MAP3K20: variants seen among roughly 807,000 people sequenced by gnomAD.
MAP3K20 encodes the protein HCCS-4.
Under a neutral mutation model 85.7 loss-of-function variants are expected in MAP3K20, and 40 were observed. The ratio of observed to expected loss-of-function variants is 0.47; its 90% CI spans 0.36 to 0.61. The LOEUF (loss-of-function observed/expected upper bound fraction) is 0.61. Ranked by LOEUF, MAP3K20 falls within the 20% of genes least tolerant of loss-of-function variation. The probability of loss-of-function intolerance (pLI) is 0.00; values close to 1 mark genes in which losing one functional copy is unlikely to be tolerated. For missense variants in MAP3K20, 817 were observed against 961.7 expected (o/e 0.85, Z 1.99); for synonymous variants, 325 against 327.7 (o/e 0.99, Z 0.09).
chr2:173,098,636 C>T (rs1328770003), intron 2 of MAP3K20, among the ~76,000 whole-genome samples: 2 of 152,138 alleles, frequency 1.3e-5, no homozygotes, highest in Admixed American at 6.5e-5. Flanking sequence ...ATACTCAACC[C>T]GTACTTTCAA....
chr2:173,204,008 T>C, intron 9 of MAP3K20, 138 bp downstream of exon 9: 1 of 744,128 alleles, frequency 1.3e-6, no homozygotes, highest in Non-Finnish European at 2.2e-6. Context: ...AGATTGACTG[T>C]TAAGGTTTTC....
At position 173,258,811 on chromosome 2, in the gene MAP3K20, C is replaced by T. The variant is rs1254880209; in HGVS notation, c.1472C>T (p.Thr491Ile). The T allele has an allele frequency of 6.3e-7, 1 of 1,586,606 alleles. No homozygotes were observed. The highest frequency in any genetic ancestry group is 8.6e-7 in the Non-Finnish European group (1 of 1,156,444). Reference sequence around the variant, plus strand: ...CCTGATGCGGAGATTTTAAAGATGACAAAGGTAGGGTTCTATTTACGGCTT... The same window carrying T: ...CCTGATGCGGAGATTTTAAAGATGATAAAGGTAGGGTTCTATTTACGGCTT... ...NLPDAEILKM[T>I]KPPFVMEKWI... Residue 491 changes from threonine (T) to isoleucine (I), a missense_variant, in exon 17 of 20, where the codon ACA becomes ATA. Around this residue, in one of 4 missense-constraint regions of MAP3K20, gnomAD observed 454 missense variants for 476.9 expected, o/e 0.95. Transcript: ENST00000375213.
At chr2:173,203,655 C>T (rs13011539) in intron 8 of MAP3K20, 141 bp from the exon 9 acceptor site, 11,891 of 654,042 alleles carry the variant, frequency 0.018, 168 homozygotes, top group Non-Finnish European at 0.026. Flanking sequence ...TCACTTGTCA[C>T]ATATTAATCA....
Position 173,182,946 on chromosome 2 carries a change from G to A in MAP3K20, c.340G>A (p.Val114Ile). Residue 114 changes from valine to isoleucine, a missense_variant, in exon 4 of 20, where the codon GTA becomes ATA. Physicochemically the swap from Val to Ile is conservative, Grantham distance 29. Coordinates refer to ENST00000375213, the MANE Select transcript of MAP3K20 (RefSeq NM_016653.3). Reference protein sequence around the residue: ...MDHIMTWATDVAKGMHYLHME... With the variant: ...MDHIMTWATDIAKGMHYLHME... ...TCACATTATGACCTGGGCCACTGATGTAGCCAAAGGTAATAATATTTGGTA... is the reference window on the plus strand; with the variant it reads ...TCACATTATGACCTGGGCCACTGATATAGCCAAAGGTAATAATATTTGGTA... 6.2e-7 allele frequency: 1 copy of A among 1,605,146 alleles called. No homozygotes were observed. The highest frequency in any genetic ancestry group is 2.2e-5 in the East Asian group (1 of 44,546).
intron 3 of MAP3K20, among the ~76,000 whole-genome samples, chr2:173,179,144 A>G (rs550818900): frequency 6.6e-6 from 1 of 152,330 alleles, no homozygotes; most frequent in Admixed American, 6.5e-5. Context: ...CTGTAATCCC[A>G]GCACTTTGGG....
In MAP3K20 at chr2:173,198,084, TAGC is replaced by T; in HGVS notation, c.642_644del (p.Ala215del). 6.2e-7 allele frequency: 1 copy of T among 1,613,198 alleles called. No individual in the cohort carries two copies. Among genetic ancestry groups the T allele is most frequent in the Non-Finnish European group, 8.5e-7 (1 of 1,179,358 alleles). ...TTTAAAGGTTTGGAAGGATTACAAG[TAGC>T]TTGGCTTGTAGTGGAAAAAAACGAG... On this transcript the variant is annotated inframe_deletion, in exon 8 of 20. Transcript: ENST00000375213. This position sits in a 1 kb window ranked among gnomAD's most constrained non-coding sequence, Gnocchi z 5.8.
chr2:173,078,789 G>A (rs1309860358), intron 1 of MAP3K20, among the ~76,000 whole-genome samples: 2 of 152,050 alleles, frequency 1.3e-5, no homozygotes, highest in Middle Eastern at 6.8e-3. Context: ...GTTTAAATAG[G>A]GTAAACAAAA....
intron 2 of MAP3K20, among the ~76,000 whole-genome samples, chr2:173,161,545 A>G (rs1006616668): frequency 2.6e-5 from 4 of 152,166 alleles, no homozygotes; most frequent in Admixed American, 6.5e-5. Flanking sequence ...TGCTTCCTAT[A>G]TATAGGGTAT....
intron 3 of MAP3K20, among the ~76,000 whole-genome samples, chr2:173,170,441 A>G (rs982095367): frequency 6.6e-6 from 1 of 152,254 alleles, no homozygotes; most frequent in South Asian, 2.1e-4. Context: ...AGCAGCACAT[A>G]GAAAGTTTTG....
intron 2 of MAP3K20, among the ~76,000 whole-genome samples, chr2:173,122,991 G>C (rs79277848): frequency 6.6e-6 from 1 of 152,136 alleles, no homozygotes. Flanking sequence ...CCCTCACTTA[G>C]GTATTTTTCA....
chr2:173,241,815 G>C (rs765847414), intron 16 of MAP3K20, among the ~76,000 whole-genome samples: 1 of 152,128 alleles, frequency 6.6e-6, no homozygotes, highest in Non-Finnish European at 1.5e-5. Context: ...GGTTGAGTGA[G>C]AGCTGCTCTG....
At chr2:173,156,646 C>T (rs1472382231) in intron 2 of MAP3K20, among the ~76,000 whole-genome samples, 1 of 152,172 alleles carries the variant, frequency 6.6e-6, no homozygotes, top group African/African-American at 2.4e-5. Flanking sequence ...CTCTGAGAAT[C>T]TAATGCTGCC....
intron 14 of MAP3K20, among the ~76,000 whole-genome samples, chr2:173,237,521 T>G (rs1479642031): frequency 1.3e-5 from 2 of 152,194 alleles, no homozygotes; most frequent in African/African-American, 4.8e-5. Context: ...TCTAATTTTC[T>G]CAGGTTGGTA....
intron 10 of MAP3K20, among the ~76,000 whole-genome samples, chr2:173,215,179 C>G (rs112558661): frequency 3.3e-5 from 5 of 152,200 alleles, no homozygotes; most frequent in African/African-American, 1.2e-4. Flanking sequence ...GAACATCAGT[C>G]AATCTGTCTC....
intron 2 of MAP3K20, among the ~76,000 whole-genome samples, chr2:173,117,348 G>A (rs529123652): frequency 3.9e-5 from 6 of 152,078 alleles, no homozygotes; most frequent in African/African-American, 1.2e-4. Context: ...GCACAATCAC[G>A]GCTCAATGTA....
chr2:173,241,768 GA>G (rs1684788691), intron 16 of MAP3K20, among the ~76,000 whole-genome samples: 1 of 152,156 alleles, frequency 6.6e-6, no homozygotes, highest in African/African-American at 2.4e-5. Flanking sequence ...CCTGCTGAAT[GA>G]AAATCTTTAC....
intron 11 of MAP3K20, chr2:173,224,433 C>T (rs1684332089): frequency 2.0e-6 from 2 of 985,314 alleles, no homozygotes; most frequent in Non-Finnish European, 2.4e-6. Context: ...TTAATAAAAG[C>T]AGCCAAATAG....
At chr2:173,179,704 G>GCACACACACACACACA (rs71018541) in intron 3 of MAP3K20, among the ~76,000 whole-genome samples, 3 of 146,080 alleles carry the variant, frequency 2.1e-5, no homozygotes, top group African/African-American at 5.1e-5. Flanking sequence ...TAAGGAATGC[G>GCACACACACACACACA]CACACACACA....
At chr2:173,125,606 A>G (rs1688418765) in intron 2 of MAP3K20, among the ~76,000 whole-genome samples, 1 of 152,126 alleles carries the variant, frequency 6.6e-6, no homozygotes, top group Non-Finnish European at 1.5e-5. Flanking sequence ...AAGGGAAGAT[A>G]AATTTTATTC....
Sources: allele counts gnomAD v4.1 joint callset (sites outside exome capture counted in the v4.1 genomes callset), GRCh38; gene constraint gnomAD v4.1.1; regional missense constraint gnomAD v4.1.1; non-coding constraint Gnocchi (gnomAD v3.1); transcripts MANE v1.5; gene names NCBI Gene and HGNC (gene_info 2026-07-23, HGNC 2026-07-21).